The following LRBA variants were observed in gnomAD, a reference collection of about 807,000 sequenced individuals.
LRBA encodes LPS responsive beige-like anchor protein, also known as lipopolysaccharide-responsive and beige-like anchor protein.
A neutral mutation model predicts 330.0 loss-of-function variants in LRBA; 176 were observed. That is an observed-to-expected ratio of 0.53 (90% CI 0.47 to 0.60). The LOEUF (loss-of-function observed/expected upper bound fraction) is 0.60, where lower values mean the gene tolerates loss of function less well. Among genes scored for constraint, LRBA ranks in the 20% least tolerant of loss-of-function variants. The pLI, the probability that LRBA is intolerant of heterozygous loss-of-function variation, is 0.00. For missense variants in LRBA, 3,259 were observed against 3,444.8 expected, an observed-to-expected ratio of 0.95 and a Z score of 1.35; for synonymous variants, 1,230 against 1,193.0, an observed-to-expected ratio of 1.03 and a Z score of -0.64.
intron 2 of LRBA, among the ~76,000 whole-genome samples, chr4:150,949,254 T>C (rs1427348757): frequency 6.6e-6 from 1 of 152,036 alleles, no homozygotes; most frequent in African/African-American, 2.4e-5. Flanking sequence ...TAAAATACTA[T>C]TCAACAATAA....
intron 17 of LRBA, among the ~76,000 whole-genome samples, chr4:150,874,247 C>A (rs186043231): frequency 4.3e-4 from 65 of 152,196 alleles, no homozygotes; most frequent in African/African-American, 1.5e-3. Context: ...ATGAAAGGCA[C>A]CCTAGTTCCC....
intron 2 of LRBA, among the ~76,000 whole-genome samples, chr4:150,982,456 A>T (rs1379367681): frequency 2.0e-5 from 3 of 152,194 alleles, no homozygotes; most frequent in Non-Finnish European, 4.4e-5. Context: ...AATGTGTAAC[A>T]AAAGGAAACA....
At chr4:150,691,686 T>G (rs1223787866) in intron 36 of LRBA, among the ~76,000 whole-genome samples, 1 of 152,212 alleles carries the variant, frequency 6.6e-6, no homozygotes, top group Non-Finnish European at 1.5e-5. Context: ...CATGTAGCAA[T>G]CCTACTCCTA....
chr4:150,973,022 GC>G (rs1739744921), intron 2 of LRBA, among the ~76,000 whole-genome samples: 1 of 152,140 alleles, frequency 6.6e-6, no homozygotes, highest in Admixed American at 6.5e-5. Context: ...CTGGTGATGG[GC>G]ACCTATAATC....
At chr4:150,768,872 T>A (rs964998427) in intron 34 of LRBA, among the ~76,000 whole-genome samples, 1 of 150,930 alleles carries the variant, frequency 6.6e-6, no homozygotes, top group African/African-American at 2.4e-5. Flanking sequence ...CATAGGAAAA[T>A]TTTTTTAAAT....
intron 47 of LRBA, among the ~76,000 whole-genome samples, chr4:150,386,603 T>C (rs1581173838): frequency 6.6e-6 from 1 of 152,028 alleles, no homozygotes; most frequent in East Asian, 1.9e-4. Flanking sequence ...GATCTCATTC[T>C]TTTTTATGGC....
intron 35 of LRBA, among the ~76,000 whole-genome samples, chr4:150,761,079 G>A (rs1395010515): frequency 6.6e-6 from 1 of 152,030 alleles, no homozygotes; most frequent in Non-Finnish European, 1.5e-5. Context: ...TCTCGAAGGG[G>A]AGTCAGTCAC....
At chr4:150,787,363 A>G (rs977961480) in intron 34 of LRBA, among the ~76,000 whole-genome samples, 2 of 152,222 alleles carry the variant, frequency 1.3e-5, no homozygotes, top group African/African-American at 4.8e-5. Flanking sequence ...TGTTAGAATT[A>G]TATGTGGATC....
intron 42 of LRBA, among the ~76,000 whole-genome samples, chr4:150,479,766 T>C (rs1757093699): frequency 6.6e-6 from 1 of 152,162 alleles, no homozygotes; most frequent in Non-Finnish European, 1.5e-5. Flanking sequence ...CTTGGATCAC[T>C]TGCTCTGCAG....
intron 34 of LRBA, among the ~76,000 whole-genome samples, chr4:150,772,385 G>A (rs758643619): frequency 7.2e-5 from 11 of 152,128 alleles, no homozygotes; most frequent in Non-Finnish European, 1.3e-4. Flanking sequence ...AGGACCATAG[G>A]ATATTTGGGC....
At chr4:150,413,777 G>C (rs909457923) in intron 47 of LRBA, among the ~76,000 whole-genome samples, 1 of 152,036 alleles carries the variant, frequency 6.6e-6, no homozygotes, top group African/African-American at 2.4e-5. Context: ...TATATAGATT[G>C]TACCTCAATG....
chr4:150,624,769 T>A (rs933149416), intron 37 of LRBA, among the ~76,000 whole-genome samples: 2 of 152,160 alleles, frequency 1.3e-5, no homozygotes, highest in Admixed American at 6.5e-5. Context: ...ATTTTGCCAC[T>A]CCACATTGTA....
intron 44 of LRBA, among the ~76,000 whole-genome samples, chr4:150,438,345 T>C (rs1319294523): frequency 6.6e-6 from 1 of 152,022 alleles, no homozygotes; most frequent in East Asian, 1.9e-4. Context: ...CGGCTGCGCA[T>C]AGTGGCATGT....
chr4:150,659,180 C>T (rs1459249417), intron 37 of LRBA, among the ~76,000 whole-genome samples: 2 of 118,966 alleles, frequency 1.7e-5, no homozygotes, highest in East Asian at 2.9e-4. Flanking sequence ...GGCCGCCCAT[C>T]GTCTGGGATG....
At chr4:150,526,893 T>C (rs751853525) in intron 40 of LRBA, among the ~76,000 whole-genome samples, 61 of 152,208 alleles carry the variant, frequency 4.0e-4, no homozygotes, top group Admixed American at 7.2e-4. Flanking sequence ...CTCAAAAACA[T>C]ATTTTTATAT....
chr4:150,441,769 T>A (rs1051979561), intron 44 of LRBA, among the ~76,000 whole-genome samples: 3 of 146,378 alleles, frequency 2.0e-5, no homozygotes, highest in Admixed American at 6.8e-5. Context: ...AGTCCTTCTC[T>A]GGGCCATGTT....
chr4:150,658,225 C>G (rs1380796029), intron 37 of LRBA, among the ~76,000 whole-genome samples: 7 of 151,936 alleles, frequency 4.6e-5, no homozygotes, highest in Non-Finnish European at 7.4e-5. Context: ...TGATCAGAGA[C>G]CTATCTTGAC....
At chr4:150,732,323 A>G (rs1211701343) in intron 36 of LRBA, among the ~76,000 whole-genome samples, 1 of 152,030 alleles carries the variant, frequency 6.6e-6, no homozygotes, top group African/African-American at 2.4e-5. Flanking sequence ...GTAAATGGGT[A>G]TTTGCATGTT....
At chr4:150,851,296 T>C (rs1357673073) in intron 23 of LRBA, among the ~76,000 whole-genome samples, 4 of 152,002 alleles carry the variant, frequency 2.6e-5, no homozygotes, top group South Asian at 4.1e-4. Context: ...GATAACATAA[T>C]GAAGAACCAA....
Sources: gnomAD v4.1 joint callset for allele counts (sites outside exome capture counted in the v4.1 genomes callset) on GRCh38, gnomAD v4.1.1 for gene constraint, MANE v1.5 for transcripts, NCBI Gene and HGNC (gene_info 2026-07-23, HGNC 2026-07-21) for gene names.